The following ODF2 variants were observed in gnomAD, a reference collection of about 807,000 sequenced individuals.
ODF2 encodes outer dense fiber of sperm tails 2.
ODF2 carries 47 observed loss-of-function variants against 110.2 expected under a neutral mutation model. That is an observed-to-expected ratio of 0.43 (90% CI 0.34 to 0.54). ODF2 has a LOEUF of 0.54. ODF2 is among the 20% of genes least tolerant of loss of function. The pLI, the probability that ODF2 is intolerant of heterozygous loss-of-function variation, is 0.03. For missense variants in ODF2, 812 were observed against 1,054.5 expected, an observed-to-expected ratio of 0.77 and a Z score of 3.19; for synonymous variants, 352 against 397.7, an observed-to-expected ratio of 0.89 and a Z score of 1.37.
At chr9:128,460,269 G>A (rs1031384078) in intron 3 of ODF2, 3 of 1,355,876 alleles carry the variant, frequency 2.2e-6, no homozygotes, top group African/African-American at 2.9e-5. Context: ...AAGAACCCTG[G>A]GGCCGGCGTC....
At chr9:128,456,763 GGGGGT>G in intron 1 of ODF2, 1 of 960,544 alleles carries the variant, frequency 1.0e-6, no homozygotes, top group Non-Finnish European at 1.2e-6. Context: ...CCCGGCGGGG[GGGGGT>G]CCCGCCCGCC....
chr9:128,463,408 C>T (rs954014223), intron 4 of ODF2, among the ~76,000 whole-genome samples: 2 of 152,142 alleles, frequency 1.3e-5, no homozygotes, highest in African/African-American at 4.8e-5. Flanking sequence ...CACTTGAGCC[C>T]AGGAGTTCAA....
intron 9 of ODF2, among the ~76,000 whole-genome samples, 172 bp from the exon 10 acceptor site, chr9:128,482,643 TA>T (rs376809776): frequency 6.6e-6 from 1 of 152,156 alleles, no homozygotes; most frequent in Non-Finnish European, 1.5e-5. Context: ...TTCATTGTTT[TA>T]AAAAAATGTT....
chr9:128,500,089 G>A (rs751189855), exon 21 of ODF2: 13 of 1,614,112 alleles, frequency 8.1e-6, no homozygotes, highest in African/African-American at 5.3e-5. Context: ...TACCAGAGCC[G>A]GCTGCAAGAC....
chr9:128,487,880 G>C lies in ODF2; in HGVS notation c.1401-10G>C. 1 of 1,613,490 alleles carries C rather than the reference G, an allele frequency of 6.2e-7. No individual in the cohort carries two copies. On this transcript the variant is annotated splice_polypyrimidine_tract_variant and intron_variant, in intron 13 of 20. Coordinates refer to ENST00000604420, the Ensembl canonical transcript of ODF2. ...TTCTCTCTGTCTGCTTTCACTTTGT[G>C]ATCTTCCAGCCGGGTAACAGATCTT...
At chr9:128,456,245 T>C in exon 1 of ODF2, 1 of 1,544,788 alleles carries the variant, frequency 6.5e-7, no homozygotes, top group Admixed American at 2.0e-5. Flanking sequence ...GGCGCAGCCG[T>C]GTCGCTCCTG....
intron 8 of ODF2, among the ~76,000 whole-genome samples, chr9:128,478,555 G>A (rs1841808184): frequency 6.7e-6 from 1 of 148,890 alleles, no homozygotes; most frequent in African/African-American, 2.5e-5. Context: ...CCAAGATCAT[G>A]CCACTGCACT....
At chr9:128,458,576 GCT>G (rs1327748141) in intron 2 of ODF2, among the ~76,000 whole-genome samples, 3 of 143,666 alleles carry the variant, frequency 2.1e-5, no homozygotes, top group Admixed American at 7.0e-5. Flanking sequence ...ATAGACTTTT[GCT>G]CTCTCTCTTT....
intron 2 of ODF2, chr9:128,457,483 T>C: frequency 2.6e-6 from 4 of 1,544,456 alleles, no homozygotes; most frequent in Non-Finnish European, 3.5e-6. Flanking sequence ...CAGGGAAAGG[T>C]GGCCAGGGGT....
chr9:128,463,766 C>T (rs1446875206), intron 4 of ODF2, among the ~76,000 whole-genome samples: 3 of 152,168 alleles, frequency 2.0e-5, no homozygotes, highest in Admixed American at 6.6e-5. Flanking sequence ...ATCTACAGAA[C>T]GTTTTCTAGG....
At chr9:128,500,345 T>C (rs1846332036) in exon 21 of ODF2, 2 of 1,354,786 alleles carry the variant, frequency 1.5e-6, no homozygotes, top group Non-Finnish European at 2.1e-6. Context: ...GGTTTTCCTC[T>C]CCCAGTGAAA....
intron 7 of ODF2, 170 bp from the exon 8 acceptor site, chr9:128,473,440 G>A (rs1840524041): frequency 1.4e-6 from 1 of 711,696 alleles, no homozygotes; most frequent in Non-Finnish European, 1.7e-6. Flanking sequence ...GCTCCTGCTT[G>A]TCCCTTTAGG....
intron 6 of ODF2, among the ~76,000 whole-genome samples, chr9:128,472,525 T>G (rs1840280958): frequency 6.6e-6 from 1 of 152,152 alleles, no homozygotes; most frequent in Admixed American, 6.6e-5. Flanking sequence ...CATGGAAGTT[T>G]TAAAAGCAGG....
At chr9:128,466,319 T>C (rs569880778) in intron 4 of ODF2, among the ~76,000 whole-genome samples, 9 of 151,876 alleles carry the variant, frequency 5.9e-5, no homozygotes, top group South Asian at 2.1e-4. Context: ...TACAAAAAAT[T>C]AGCCCAGTGT....
intron 8 of ODF2, among the ~76,000 whole-genome samples, chr9:128,476,412 C>G (rs888840047): frequency 4.6e-5 from 7 of 151,864 alleles, no homozygotes; most frequent in African/African-American, 1.5e-4. Context: ...CTCAGCCTCC[C>G]TAGTAGCTGG....
rs1035456513 is a variant in ODF2 at position 128,457,946 on chromosome 9, T to A, written c.32+509T>A. On this transcript the variant is annotated intron_variant, in intron 2 of 20. Transcript: ENST00000604420. ...AGAGGTCTATATATATATATATATTTTTTTTTTTTCCCCTCTTTTTAAAAT... is the reference window on the plus strand; with the variant it reads ...AGAGGTCTATATATATATATATATTATTTTTTTTTCCCCTCTTTTTAAAAT... Among the ~76,000 whole-genome samples, 945 of 112,606 alleles carry A rather than the reference T, an allele frequency of 8.4e-3. 6 individuals carry two copies. The highest frequency in any genetic ancestry group is 0.023 in the African/African-American group (607 of 26,364). 73.9% of individuals were successfully genotyped at this position (112,606 alleles called of 152,430 possible).
intron 1 of ODF2, chr9:128,456,765 G>A (rs1035855855): frequency 4.2e-6 from 4 of 958,152 alleles, no homozygotes; most frequent in Non-Finnish European, 5.0e-6. Context: ...CGGCGGGGGG[G>A]GGTCCCGCCC....
chr9:128,482,909 T>C (rs1234402043), intron 10 of ODF2, 22 bp downstream of exon 10: 15 of 1,593,850 alleles, frequency 9.4e-6, no homozygotes, highest in Non-Finnish European at 1.3e-5. Flanking sequence ...TTTTTTTTTT[T>C]TTTTTTAGAC....
chr9:128,492,907 G>T, intron 16 of ODF2, 102 bp downstream of exon 16: 2 of 939,104 alleles, frequency 2.1e-6, no homozygotes, highest in Non-Finnish European at 1.6e-6. Flanking sequence ...TACCTGATTT[G>T]GGCAACAAAG....
Sources: gnomAD v4.1 joint callset for allele counts (sites outside exome capture counted in the v4.1 genomes callset) on GRCh38, gnomAD v4.1.1 for gene constraint, MANE v1.5 for transcripts, NCBI Gene and HGNC (gene_info 2026-07-23, HGNC 2026-07-21) for gene names.